The following FRMD5 variants were observed in gnomAD, a reference collection of about 807,000 sequenced individuals.
FRMD5 encodes the protein FERM domain containing 5.
FRMD5 carries 20 observed loss-of-function variants against 69.0 expected under a neutral mutation model. The ratio of observed to expected loss-of-function variants is 0.29; its 90% CI spans 0.20 to 0.42. The LOEUF is 0.42. Ranked by LOEUF, FRMD5 falls within the 10% of genes least tolerant of loss-of-function variation. The pLI, the probability that FRMD5 is intolerant of heterozygous loss-of-function variation, is 1.00. For missense variants in FRMD5, 595 were observed against 708.6 expected (o/e 0.84, Z 1.82); for synonymous variants, 271 against 260.1 (o/e 1.04, Z -0.40).
At chr15:44,091,135 T>C (rs867165728) in intron 1 of FRMD5, among the ~76,000 whole-genome samples, 2 of 152,178 alleles carry the variant, frequency 1.3e-5, no homozygotes, top group Non-Finnish European at 2.9e-5. Context: ...CAAACACAAT[T>C]TTCTCTCTCA....
chr15:44,180,687 A>G (rs2077983221), intron 1 of FRMD5, among the ~76,000 whole-genome samples: 1 of 152,216 alleles, frequency 6.6e-6, no homozygotes, highest in Non-Finnish European at 1.5e-5. Flanking sequence ...CAGGAGGCTG[A>G]GGCAGGAGAA....
At chr15:44,034,050 C>G (rs146893250) in intron 1 of FRMD5, among the ~76,000 whole-genome samples, 75 of 152,288 alleles carry the variant, frequency 4.9e-4, no homozygotes, top group African/African-American at 1.5e-3. Flanking sequence ...CAGAAAGACT[C>G]CAGGAGTCTG....
intron 13 of FRMD5, among the ~76,000 whole-genome samples, chr15:43,880,057 G>A (rs2088481690): frequency 6.6e-6 from 1 of 152,194 alleles, no homozygotes. Context: ...AACAATCCCA[G>A]AGGGTAAGGG....
In FRMD5 at chr15:44,073,685, C is replaced by G. The variant is rs532432443; in HGVS notation, c.102+121268G>C. Among the ~76,000 whole-genome samples the G allele has an allele frequency of 5.3e-5, 8 of 152,246 alleles. No homozygotes were observed. In the East Asian group the frequency reaches 1.5e-3, roughly 29 times the overall value. On this transcript the variant is annotated intron_variant, in intron 1 of 13. Coordinates refer to ENST00000417257, the MANE Select transcript of FRMD5 (RefSeq NM_032892.5). ...GGTCACTCTCTAATGGATGCCTAGTCCTGATCTCAAGTTAATAACATGCAC... is the reference window on the plus strand; with the variant it reads ...GGTCACTCTCTAATGGATGCCTAGTGCTGATCTCAAGTTAATAACATGCAC...
intron 1 of FRMD5, among the ~76,000 whole-genome samples, chr15:44,149,411 G>T (rs978304195): frequency 6.6e-6 from 1 of 151,974 alleles, no homozygotes; most frequent in Non-Finnish European, 1.5e-5. Flanking sequence ...TGACAAAAGT[G>T]CTTCCTCATC....
Position 43,959,208 on chromosome 15 carries a change from T to A in FRMD5, c.103-34899A>T, listed in dbSNP as rs186792041. Among the ~76,000 whole-genome samples, 6 of 152,314 alleles carry A rather than the reference T, an allele frequency of 3.9e-5. No individual in the cohort carries two copies. The East Asian group carries it at 1.2e-3, about 29-fold the overall frequency. ...AGCCAAGGACTCAACATCAAAACAT[T>A]CTTTGATGAGTCACAATTAATGACA... On this transcript the variant is annotated intron_variant, in intron 1 of 13. Coordinates refer to ENST00000417257, the MANE Select transcript of FRMD5 (RefSeq NM_032892.5).
chr15:43,879,096 C>T (rs556726513), intron 13 of FRMD5, among the ~76,000 whole-genome samples: 5 of 151,890 alleles, frequency 3.3e-5, no homozygotes, highest in African/African-American at 9.7e-5. Flanking sequence ...CACCACCATG[C>T]CCGGCTAATT....
In FRMD5 at chr15:43,884,738, C is replaced by T. The variant is rs146504694; in HGVS notation, c.1017G>A (p.Pro339=). 3.5e-3 allele frequency: 5,618 copies of T among 1,613,914 alleles called. 12 individuals are homozygous for T. Among genetic ancestry groups the T allele is most frequent in the South Asian group, 4.4e-3 (401 of 91,056 alleles). The change falls in exon 12 of 14, where the codon CCG becomes CCA. Residue 339 remains proline (P), a synonymous_variant. Coordinates refer to ENST00000417257, the MANE Select transcript of FRMD5 (RefSeq NM_032892.5). The part of the protein sequence containing the change: ...ESSAKIKREP[P]EIHRAGMVPS... ...CCCTGGCAGCCTACCTGTGTATTTC[C>T]GGTGGCTCCCGTTTGATCTTAGCAC...
chr15:44,186,952 C>T (rs1380706489), intron 1 of FRMD5, among the ~76,000 whole-genome samples: 4 of 152,162 alleles, frequency 2.6e-5, no homozygotes, highest in African/African-American at 7.2e-5. Context: ...ACGCAATCCT[C>T]GGTCCTCAAG....
At chr15:44,051,448 T>C (rs569308830) in intron 1 of FRMD5, among the ~76,000 whole-genome samples, 38 of 151,794 alleles carry the variant, frequency 2.5e-4, no homozygotes, top group African/African-American at 8.7e-4. Context: ...GTTTTAAAGA[T>C]TGACAGTTGT....
chr15:44,081,409 G>A lies in FRMD5; in HGVS notation c.102+113544C>T, dbSNP rs553157778. Among the ~76,000 whole-genome samples, 8 of 152,150 alleles carry A rather than the reference G, an allele frequency of 5.3e-5. No individual in the cohort carries two copies. In the South Asian group the frequency reaches 6.2e-4, roughly 12 times the overall value. ...ACACATACAGAAAGAAAAGCAAATC[G>A]GCATTGTGATTCATAAAGAGATCTG... On this transcript the variant is annotated intron_variant, in intron 1 of 13. Coordinates refer to ENST00000417257, the MANE Select transcript of FRMD5 (RefSeq NM_032892.5).
At chr15:43,900,618 G>GTT (rs200956036) in intron 7 of FRMD5, among the ~76,000 whole-genome samples, 2,208 of 146,100 alleles carry the variant, frequency 0.015, 104 homozygotes, top group African/African-American at 0.054. Context: ...ATTCATTCCT[G>GTT]GTTTTTTTTT....
At chr15:43,932,128 G>A (rs2089685983) in intron 1 of FRMD5, among the ~76,000 whole-genome samples, 1 of 152,214 alleles carries the variant, frequency 6.6e-6, no homozygotes. Context: ...AAAACCCTGT[G>A]AGTTTTCGTG....
chr15:44,117,022 T>C (rs2076878838), intron 1 of FRMD5, among the ~76,000 whole-genome samples: 1 of 151,708 alleles, frequency 6.6e-6, no homozygotes, highest in Non-Finnish European at 1.5e-5. Flanking sequence ...GGAAAATCAC[T>C]TGAACCCGGG....
intron 1 of FRMD5, among the ~76,000 whole-genome samples, chr15:44,187,762 T>G (rs2078126298): frequency 6.6e-6 from 1 of 152,072 alleles, no homozygotes; most frequent in South Asian, 2.1e-4. Context: ...AGAGACAAGG[T>G]CTTGCTATGT....
At chr15:44,180,973 C>G (rs1463671726) in intron 1 of FRMD5, among the ~76,000 whole-genome samples, 8 of 152,056 alleles carry the variant, frequency 5.3e-5, no homozygotes, top group Admixed American at 1.3e-4. Flanking sequence ...AGAAAACATT[C>G]TATAGCAATT....
intron 1 of FRMD5, among the ~76,000 whole-genome samples, chr15:44,011,264 C>T (rs191794717): frequency 5.4e-5 from 8 of 149,434 alleles, no homozygotes; most frequent in Admixed American, 1.3e-4. Flanking sequence ...GAACTGAAGA[C>T]GATAAGAACT....
intron 1 of FRMD5, among the ~76,000 whole-genome samples, chr15:44,181,881 C>G (rs1349742188): frequency 6.6e-6 from 1 of 152,112 alleles, no homozygotes; most frequent in East Asian, 1.9e-4. Context: ...CCAGCCTCAG[C>G]AACAGGGCAA....
chr15:43,891,363 A>G (rs985683216), intron 8 of FRMD5, among the ~76,000 whole-genome samples: 12 of 152,144 alleles, frequency 7.9e-5, no homozygotes, highest in African/African-American at 2.9e-4. Context: ...GGAGTGGAGA[A>G]GGGAGGGAAG....
Sources: allele counts gnomAD v4.1 joint callset (sites outside exome capture counted in the v4.1 genomes callset), GRCh38; gene constraint gnomAD v4.1.1; transcripts MANE v1.5; gene names NCBI Gene and HGNC (gene_info 2026-07-23, HGNC 2026-07-21).